The following LAMA1 variants were observed in gnomAD, a reference collection of about 807,000 sequenced individuals.
LAMA1 encodes the protein laminin subunit alpha-1.
A neutral mutation model predicts 348.7 loss-of-function variants in LAMA1; 219 were observed. The observed-to-expected ratio is 0.63, with a 90% CI of 0.56 to 0.70. LAMA1 has a LOEUF of 0.70. Ranked by LOEUF, LAMA1 falls within the 30% of genes least tolerant of loss-of-function variation. LAMA1 has a pLI of 0.00. For synonymous variants in LAMA1, 1,487 were observed against 1,491.0 expected, an observed-to-expected ratio of 1.00 and a Z score of 0.06; for missense variants, 3,744 against 3,888.0, an observed-to-expected ratio of 0.96 and a Z score of 0.99.
chr18:7,091,637 G>A (rs114341201), intron 1 of LAMA1, among the ~76,000 whole-genome samples: 119 of 152,224 alleles, frequency 7.8e-4, no homozygotes, highest in African/African-American at 2.8e-3. Context: ...ACTATCGCGG[G>A]GCATGTGCTG....
At chr18:7,018,489 G>C (rs1340595807) in intron 19 of LAMA1, among the ~76,000 whole-genome samples, 1 of 148,864 alleles carries the variant, frequency 6.7e-6, no homozygotes, top group Non-Finnish European at 1.5e-5. Flanking sequence ...TCCGCCTTTC[G>C]GGTTCATGCC....
intron 1 of LAMA1, among the ~76,000 whole-genome samples, chr18:7,085,632 A>T (rs377160675): frequency 1.6e-4 from 24 of 151,834 alleles, no homozygotes; most frequent in African/African-American, 3.6e-4. Flanking sequence ...GTTAGCCAGG[A>T]TGGTCTCGAT....
At chr18:6,979,838 G>A (rs1355258344) in intron 42 of LAMA1, among the ~76,000 whole-genome samples, 2 of 152,186 alleles carry the variant, frequency 1.3e-5, no homozygotes, top group African/African-American at 2.4e-5. Flanking sequence ...GGCGGAGCTT[G>A]CAGTGAGCCA....
chr18:7,034,891 G>A, intron 13 of LAMA1, among the ~76,000 whole-genome samples: 1 of 152,222 alleles, frequency 6.6e-6, no homozygotes, highest in Middle Eastern at 3.4e-3. Context: ...GAGGGGTTCT[G>A]GTAATAAACT....
At chr18:6,952,534 G>T (rs913862296) in intron 57 of LAMA1, among the ~76,000 whole-genome samples, 11 of 152,198 alleles carry the variant, frequency 7.2e-5, no homozygotes, top group African/African-American at 2.7e-4. Flanking sequence ...GGTTACAGCA[G>T]TCCCTTCTTA....
chr18:7,005,072 A>T (rs1034898798), intron 29 of LAMA1, among the ~76,000 whole-genome samples: 2 of 152,198 alleles, frequency 1.3e-5, no homozygotes, highest in African/African-American at 4.8e-5. Context: ...CCGAAGACAG[A>T]CAGTGACATG....
intron 33 of LAMA1, among the ~76,000 whole-genome samples, 159 bp from the exon 34 acceptor site, chr18:6,995,605 C>T (rs62081557): frequency 4.5e-4 from 69 of 152,044 alleles, no homozygotes; most frequent in East Asian, 9.7e-4. Context: ...ACTTAGGTTT[C>T]GATTATAGCG....
chr18:7,079,722 T>C (rs2058185103), intron 3 of LAMA1: 2 of 510,626 alleles, frequency 3.9e-6, no homozygotes, highest in Non-Finnish European at 7.1e-6. Flanking sequence ...GTGTGCCCTG[T>C]TGACACAGCT....
rs756597111 is a variant in LAMA1, at chr18:6,992,733, T to C, written c.5009-13A>G. On this transcript the variant is annotated splice_polypyrimidine_tract_variant and intron_variant, in intron 35 of 62. Coordinates refer to ENST00000389658, the MANE Select transcript of LAMA1 (RefSeq NM_005559.4). Reference sequence around the variant, plus strand: ...TTTTCCATAATTTCTATGGAGAAAATTCATCAATTATTTAATAAGCCTCTC... The same window carrying C: ...TTTTCCATAATTTCTATGGAGAAAACTCATCAATTATTTAATAAGCCTCTC... 1 of 1,608,186 alleles carries C rather than the reference T, an allele frequency of 6.2e-7. No individual in the cohort carries two copies. Among genetic ancestry groups the C allele is most frequent in the Non-Finnish European group, 8.5e-7 (1 of 1,174,800 alleles).
chr18:7,006,345 G>A (rs975788017), intron 29 of LAMA1, among the ~76,000 whole-genome samples: 1 of 152,030 alleles, frequency 6.6e-6, no homozygotes, highest in Non-Finnish European at 1.5e-5. Flanking sequence ...TGAATAATGT[G>A]CTGTTATCAT....
At chr18:6,947,045 T>A (rs2057524770) in intron 61 of LAMA1, 118 bp downstream of exon 61, 1 of 1,327,104 alleles carries the variant, frequency 7.5e-7, no homozygotes, top group Non-Finnish European at 1.1e-6. Flanking sequence ...AAAATAGTAA[T>A]GGGACCATTG....
At position 6,995,988 on chromosome 18, in the gene LAMA1, A is replaced by C. The variant is rs75462266; in HGVS notation, c.4807-542T>G. 4.8e-3 allele frequency among the ~76,000 whole-genome samples: 737 copies of C among 152,320 alleles called. 10 individuals carry two copies. Among genetic ancestry groups the C allele is most frequent in the African/African-American group, 0.017 (693 of 41,572 alleles). Reference sequence around the variant, plus strand: ...GAAAACGGACAAGTGGTTTATTTAGAGCAAATCATTCAAAATGAGTTAAAA... The same window carrying C: ...GAAAACGGACAAGTGGTTTATTTAGCGCAAATCATTCAAAATGAGTTAAAA... On this transcript the variant is annotated intron_variant, in intron 33 of 62. Coordinates refer to ENST00000389658, the MANE Select transcript of LAMA1 (RefSeq NM_005559.4).
intron 9 of LAMA1, among the ~76,000 whole-genome samples, chr18:7,041,879 C>T (rs995502632): frequency 2.0e-5 from 3 of 152,196 alleles, no homozygotes; most frequent in African/African-American, 7.2e-5. Context: ...ATGTCCATGA[C>T]ACTACCTCTC....
chr18:7,034,447 C>G, intron 14 of LAMA1, 32 bp downstream of exon 14: 1 of 1,495,462 alleles, frequency 6.7e-7, no homozygotes, highest in South Asian at 1.1e-5. Context: ...AGTACCTTCA[C>G]CGTAAGTTTT....
In LAMA1 at chr18:6,949,202, G is replaced by A; in HGVS notation, c.8455C>T (p.Pro2819Ser). Residue 2819 changes from proline (P) to serine (S), a missense_variant, in exon 59 of 63, where the codon CCC (proline) becomes TCC (serine). This residue lies in a region of LAMA1 where 1,983 missense variants were observed against 1,934.3 expected (regional missense o/e 1.03). Coordinates refer to ENST00000389658, the MANE Select transcript of LAMA1 (RefSeq NM_005559.4). ...CCATCTCCCACCACAGTCACCATGG[G>A]AGACTCTCGGCCGTCGACAGTTATG... Reference protein sequence around the residue: ...GFITVDGRESPMVTVVGDGTM... With the variant: ...GFITVDGRESSMVTVVGDGTM... 2 of 1,614,172 alleles carry A rather than the reference G, an allele frequency of 1.2e-6. No individual in the cohort carries two copies. Among genetic ancestry groups the A allele is most frequent in the Non-Finnish European group, 1.7e-6 (2 of 1,180,034 alleles).
chr18:6,966,943 T>C (rs1365345875), intron 48 of LAMA1, among the ~76,000 whole-genome samples: 1 of 152,204 alleles, frequency 6.6e-6, no homozygotes, highest in Non-Finnish European at 1.5e-5. Flanking sequence ...GACTCACTAT[T>C]CAATCGCAAA....
chr18:7,007,483 A>AC (rs1457742314), intron 28 of LAMA1, among the ~76,000 whole-genome samples: 1 of 152,078 alleles, frequency 6.6e-6, no homozygotes, highest in Non-Finnish European at 1.5e-5. Flanking sequence ...AAAAAAAAAA[A>AC]AAACTAACAA....
At chr18:7,077,915 GAT>G (rs1202590862) in intron 3 of LAMA1, among the ~76,000 whole-genome samples, 5 of 151,408 alleles carry the variant, frequency 3.3e-5, no homozygotes, top group Non-Finnish European at 1.5e-5. Flanking sequence ...GATCACCTGA[GAT>G]CAGAAGTTCG....
At chr18:7,021,847 T>TAATA (rs1475542817) in intron 19 of LAMA1, among the ~76,000 whole-genome samples, 2 of 61,732 alleles carry the variant, frequency 3.2e-5, no homozygotes, top group Admixed American at 1.3e-4. Context: ...ATATATTATA[T>TAATA]TATATTATAT....
Sources: gnomAD v4.1 joint callset for allele counts (sites outside exome capture counted in the v4.1 genomes callset) on GRCh38, gnomAD v4.1.1 for gene constraint, gnomAD v4.1.1 regional missense constraint, MANE v1.5 for transcripts, NCBI Gene and HGNC (gene_info 2026-07-23, HGNC 2026-07-21) for gene names.